Variants in NOS2 observed in about 807,000 individuals in gnomAD.
The protein encoded by NOS2 is nitric oxide synthase, inducible.
NOS2 carries 96 observed loss-of-function variants against 136.0 expected under a neutral mutation model. That is an observed-to-expected ratio of 0.71 (90% CI 0.60 to 0.84). The LOEUF (loss-of-function observed/expected upper bound fraction) is 0.84. Ranked by LOEUF, NOS2 falls within the 40% of genes least tolerant of loss-of-function variation. The probability of loss-of-function intolerance (pLI) is 0.00; values close to 1 mark genes in which losing one functional copy is unlikely to be tolerated. For synonymous variants in NOS2, 539 were observed against 587.5 expected, an observed-to-expected ratio of 0.92 and a Z score of 1.20; for missense variants, 1,237 against 1,496.9, an observed-to-expected ratio of 0.83 and a Z score of 2.87.
chr17:27,787,702 T>G lies in NOS2; in HGVS notation c.443A>C (p.Asn148Thr), dbSNP rs1384095630. The G allele has an allele frequency of 6.2e-7, 1 of 1,613,304 alleles. No homozygotes were observed. Among genetic ancestry groups the G allele is most frequent in the African/African-American group, 1.3e-5 (1 of 74,918 alleles). Residue 148 changes from asparagine (N) to threonine (T), a missense_variant, in exon 5 of 27, where the codon AAC becomes ACC. This residue lies in a region of NOS2 where 440 missense variants were observed against 545.4 expected (regional missense o/e 0.81). Transcript: ENST00000313735. ...CTCTTTGAAGGAGCCGTAATATTGG[T>G]TGACAAATTCGATAGCTTGAGGTAG... is the stretch of plus-strand genomic sequence containing the variant. Reference protein sequence around the residue: ...ELLPQAIEFVNQYYGSFKEAK... With the variant: ...ELLPQAIEFVTQYYGSFKEAK...
intron 15 of NOS2, among the ~76,000 whole-genome samples, chr17:27,769,863 G>A (rs1410089982): frequency 6.6e-6 from 1 of 152,182 alleles, no homozygotes; most frequent in Non-Finnish European, 1.5e-5. Context: ...CCTGGCAGAG[G>A]GGCCTGCCTG....
At chr17:27,794,453 A>G (rs1909289518) in intron 2 of NOS2, among the ~76,000 whole-genome samples, 1 of 152,212 alleles carries the variant, frequency 6.6e-6, no homozygotes, top group Non-Finnish European at 1.5e-5. Context: ...CTCAAGCAAG[A>G]TAACAGGTAG....
At chr17:27,775,339 T>A (rs1256055922) in intron 11 of NOS2, among the ~76,000 whole-genome samples, 1 of 152,124 alleles carries the variant, frequency 6.6e-6, no homozygotes, top group Non-Finnish European at 1.5e-5. Flanking sequence ...GGCTTACACC[T>A]ATAATCCCAG....
intron 5 of NOS2, among the ~76,000 whole-genome samples, chr17:27,784,127 CTTT>C (rs1183066766): frequency 7.1e-6 from 1 of 141,378 alleles, no homozygotes; most frequent in African/African-American, 2.7e-5. Flanking sequence ...GTCAGAAAGG[CTTT>C]GAAACACACA....
chr17:27,757,584 G>A (rs567650891), intron 26 of NOS2, among the ~76,000 whole-genome samples: 60 of 152,224 alleles, frequency 3.9e-4, no homozygotes, highest in African/African-American at 1.0e-3. Context: ...CCTGCCCAGC[G>A]TTCATCCCCC....
chr17:27,776,710 G>A (rs973993208), intron 11 of NOS2, among the ~76,000 whole-genome samples: 2 of 149,410 alleles, frequency 1.3e-5, no homozygotes, highest in African/African-American at 4.9e-5. Context: ...CTCAGTGGTA[G>A]CCACGATCAT....
intron 5 of NOS2, among the ~76,000 whole-genome samples, chr17:27,784,161 C>CACACACACACACACACA (rs3221879): frequency 7.0e-6 from 1 of 143,218 alleles, no homozygotes; most frequent in Admixed American, 6.9e-5. Context: ...CACACACACA[C>CACACACACACACACACA]TACCACCACC....
At chr17:27,797,701 G>A (rs115047736) in intron 2 of NOS2, among the ~76,000 whole-genome samples, 45 of 152,322 alleles carry the variant, frequency 3.0e-4, no homozygotes, top group African/African-American at 1.0e-3. Flanking sequence ...TTGCACTATT[G>A]CGTTATTGCA....
intron 13 of NOS2, 65 bp from the exon 14 acceptor site, chr17:27,772,517 A>G (rs1044669331): frequency 4.2e-5 from 67 of 1,589,150 alleles, no homozygotes; most frequent in Admixed American, 6.8e-5. Context: ...AAAATGGGGG[A>G]CCAGGGGAAT....
At chr17:27,759,419 C>T (rs1288146519) in intron 25 of NOS2, among the ~76,000 whole-genome samples, 3 of 152,148 alleles carry the variant, frequency 2.0e-5, no homozygotes, top group Non-Finnish European at 4.4e-5. Context: ...GAAAAGGGAG[C>T]CTCTCAATGC....
At chr17:27,796,182 G>C (rs577609209) in intron 2 of NOS2, among the ~76,000 whole-genome samples, 18 of 152,196 alleles carry the variant, frequency 1.2e-4, no homozygotes, top group Middle Eastern at 3.4e-3. Flanking sequence ...CCTAGGTGCG[G>C]TGGCTCACAC....
chr17:27,780,525 C>T (rs914138368), intron 9 of NOS2, among the ~76,000 whole-genome samples: 3 of 152,192 alleles, frequency 2.0e-5, no homozygotes, highest in Admixed American at 6.5e-5. Flanking sequence ...GGGCCCCATC[C>T]GCCTAAGCCT....
At chr17:27,797,963 C>G (rs892193293) in intron 2 of NOS2, among the ~76,000 whole-genome samples, 30 of 152,084 alleles carry the variant, frequency 2.0e-4, no homozygotes, top group Non-Finnish European at 1.5e-4. Flanking sequence ...ATATGAACTT[C>G]AAAGAGCCGC....
Position 27,765,706 on chromosome 17 carries a change from T to C in NOS2, c.2257A>G (p.Ile753Val), listed in dbSNP as rs1171888111. Reference protein sequence around the residue: ...LQSPTSSRATILVELSCEDGQ... With the variant: ...LQSPTSSRATVLVELSCEDGQ... ...TCCTCACAGGAGAGTTCCACCAGGATGGTGGCACGGCTGGGGAAGGAAAAT... is the reference window on the plus strand; with the variant it reads ...TCCTCACAGGAGAGTTCCACCAGGACGGTGGCACGGCTGGGGAAGGAAAAT... The change falls in exon 20 of 27, where the codon ATC (isoleucine) becomes GTC (valine). Residue 753 changes from isoleucine to valine, a missense_variant. Physicochemically the swap from Ile to Val is conservative, Grantham distance 29. This residue lies in a region of NOS2 where 782 missense variants were observed against 909.9 expected (regional missense o/e 0.86). Transcript: ENST00000313735. 9.4e-6 allele frequency: 15 copies of C among 1,604,158 alleles called. No individual in the cohort carries two copies. The highest frequency in any genetic ancestry group is 1.1e-5 in the Non-Finnish European group (13 of 1,175,496).
In NOS2 at chr17:27,780,909, G is replaced by C. The variant is rs765520683; in HGVS notation, c.865-3C>G. 1 of 1,611,466 alleles carries C rather than the reference G, an allele frequency of 6.2e-7. No individual in the cohort carries two copies. The highest frequency in any genetic ancestry group is 1.3e-5 in the African/African-American group (1 of 74,898). Reference sequence around the variant, plus strand: ...TTCCAGCCCAGGTCGATGCACAGCTGGGGAACAAGACGGGCCCTGTGAGTC... The same window carrying C: ...TTCCAGCCCAGGTCGATGCACAGCTCGGGAACAAGACGGGCCCTGTGAGTC... On this transcript the variant is annotated splice_polypyrimidine_tract_variant and splice_region_variant and intron_variant, in intron 8 of 26. Transcript: ENST00000313735.
At chr17:27,799,103 A>G (rs889598918) in intron 1 of NOS2, among the ~76,000 whole-genome samples, 1 of 150,382 alleles carries the variant, frequency 6.6e-6, no homozygotes, top group Admixed American at 6.6e-5. Context: ...AAAAACAATG[A>G]ACCCCCCCAT....
At position 27,781,153 on chromosome 17, in the gene NOS2, CT is replaced by C; in HGVS notation, c.746del (p.Gln249ArgfsTer96). On this transcript the variant is annotated frameshift_variant, in exon 8 of 27. Transcript: ENST00000313735. LOFTEE classifies it high-confidence loss of function. ...NIRSAITVFP[Q>X]RSDGKHDFRV... ...GGAAGTCGTGCTTGCCATCACTCCG[CT>C]GGGGGAACACGGTGATGGCCGACCT... 6.2e-7 allele frequency: 1 copy of C among 1,610,386 alleles called. No individual in the cohort carries two copies.
chr17:27,789,536 G>C (rs966943680), intron 3 of NOS2, 68 bp downstream of exon 3: 3 of 1,235,928 alleles, frequency 2.4e-6, no homozygotes, highest in African/African-American at 3.0e-5. Flanking sequence ...AGCTCTAACA[G>C]GCTGCTATGT....
At chr17:27,764,794 C>G (rs1908244059) in intron 20 of NOS2, among the ~76,000 whole-genome samples, 1 of 152,220 alleles carries the variant, frequency 6.6e-6, no homozygotes, top group South Asian at 2.1e-4. Flanking sequence ...GCCTGGTACA[C>G]AGATGCTTTG....
Sources: gnomAD v4.1 joint callset for allele counts (sites outside exome capture counted in the v4.1 genomes callset) on GRCh38, gnomAD v4.1.1 for gene constraint, gnomAD v4.1.1 regional missense constraint, MANE v1.5 for transcripts, NCBI Gene and HGNC (gene_info 2026-07-23, HGNC 2026-07-21) for gene names.